LY6G6D: variants seen among roughly 807,000 people sequenced by gnomAD.
LY6G6D encodes lymphocyte antigen 6 complex locus protein G6d.
LY6G6D carries 5 observed loss-of-function variants against 8.5 expected under a neutral mutation model. The ratio of observed to expected loss-of-function variants is 0.59; its 90% CI spans 0.31 to 1.24. LY6G6D has a LOEUF of 1.24. LY6G6D is among the 50% of genes most tolerant of loss of function. The pLI is 0.07. For synonymous variants in LY6G6D, 65 were observed against 69.6 expected, an observed-to-expected ratio of 0.93 and a Z score of 0.33; for missense variants, 154 against 170.4, an observed-to-expected ratio of 0.90 and a Z score of 0.53.
chr6:31,717,529 G>A lies in LY6G6D; in HGVS notation c.179-52G>A. On this transcript the variant is annotated intron_variant, in intron 2 of 2. Transcript: ENST00000375825. This position sits in a 1 kb window ranked among gnomAD's most constrained non-coding sequence, Gnocchi z 5.0. ...AAATCACATCTGCTCTGCCCCAGAA[G>A]GCAAGTCCTGAAGCCAGGAGTCCAA... 6.2e-7 allele frequency: 1 copy of A among 1,614,104 alleles called. No individual in the cohort carries two copies. The highest frequency in any genetic ancestry group is 8.5e-7 in the Non-Finnish European group (1 of 1,179,988).
chr6:31,715,510 A>T lies in LY6G6D; in HGVS notation c.64A>T (p.Met22Leu), dbSNP rs759293818. Residue 22 changes from methionine (M) to leucine (L), a missense_variant, in exon 2 of 3, where the codon ATG (methionine) becomes TTG (leucine). Met to Leu is a conservative substitution (Grantham distance 15). Transcript: ENST00000375825. ...SLLGAALGNRMRCYNCGGSPS... is the reference protein window; with the variant it reads ...SLLGAALGNRLRCYNCGGSPS... ...CTCTTTTCTCCTGCCAGGAAACCGA[A>T]TGCGGTGCTACAACTGTGGTGGAAG... The T allele has an allele frequency of 5.6e-6, 9 of 1,612,568 alleles. No individual in the cohort carries two copies. In the African/African-American group the frequency reaches 1.1e-4, roughly 19 times the overall value.
Position 31,716,524 on chromosome 6 carries a change from G to A in LY6G6D, c.178+900G>A, listed in dbSNP as rs1806445239. ...GCTACTCAGGGGGCTGAAGAGGGAGGATCGCTTGAGCCTGGGAGATTGAAG... is the reference window on the plus strand; with the variant it reads ...GCTACTCAGGGGGCTGAAGAGGGAGAATCGCTTGAGCCTGGGAGATTGAAG... On this transcript the variant is annotated intron_variant, in intron 2 of 2. Transcript: ENST00000375825. This position sits in a 1 kb window ranked among gnomAD's most constrained non-coding sequence, Gnocchi z 5.1. 6.6e-6 allele frequency among the ~76,000 whole-genome samples: 1 copy of A among 152,092 alleles called. No individual in the cohort carries two copies.
At chr6:31,715,667 C>T in intron 2 of LY6G6D, 43 bp downstream of exon 2, 2 of 1,603,044 alleles carry the variant, frequency 1.2e-6, no homozygotes, top group Non-Finnish European at 1.7e-6. Flanking sequence ...CTTTCCCTGC[C>T]TCCAGCCCCA....
At position 31,716,570 on chromosome 6, in the gene LY6G6D, G is replaced by T. The variant is rs1378001545; in HGVS notation, c.178+946G>T. 1.3e-5 allele frequency among the ~76,000 whole-genome samples: 2 copies of T among 152,002 alleles called. No individual in the cohort carries two copies. The highest frequency in any genetic ancestry group is 6.6e-5 in the Admixed American group (1 of 15,256). On this transcript the variant is annotated intron_variant, in intron 2 of 2. Transcript: ENST00000375825. The surrounding 1 kb of genome is among the most constrained non-coding windows in gnomAD (Gnocchi z 5.1). ...TGAAGCTACAATGAGCCATGATCAC[G>T]CCACTACACTCCAGCCTGGGGAACA...
chr6:31,715,950 G>GGTGTGT lies in LY6G6D; in HGVS notation c.178+361_178+366dup, dbSNP rs3138769. Among the ~76,000 whole-genome samples the GGTGTGT allele has an allele frequency of 1.9e-3, 273 of 147,034 alleles. 1 individual carries two copies. Among genetic ancestry groups the GGTGTGT allele is most frequent in the Non-Finnish European group, 2.9e-3 (194 of 66,484 alleles). On this transcript the variant is annotated intron_variant, in intron 2 of 2. Transcript: ENST00000375825. Reference sequence around the variant, plus strand: ...CGGCATTAGTTAAGGACCAGGGAGGGGTGTGTGTGTGTGTGTGTGTGTGTG... The same window carrying GGTGTGT: ...CGGCATTAGTTAAGGACCAGGGAGGGGTGTGTGTGTGTGTGTGTGTGTGTGTGTGTG...
In LY6G6D at chr6:31,717,314, T is replaced by C; in HGVS notation, c.179-267T>C. On this transcript the variant is annotated intron_variant, in intron 2 of 2. Coordinates refer to ENST00000375825, the MANE Select transcript of LY6G6D (RefSeq NM_021246.4). The surrounding 1 kb of genome is among the most constrained non-coding windows in gnomAD (Gnocchi z 5.0). ...AATTATTTTATAGAATGTCCCTCGA[T>C]ATTTATTTATCTGATATTTGCCATG... 2 of 650,776 alleles carry C rather than the reference T, an allele frequency of 3.1e-6. No homozygotes were observed. Among genetic ancestry groups the C allele is most frequent in the Non-Finnish European group, 5.1e-6 (2 of 392,712 alleles). The allele number at this position is 650,776 out of a possible 1,614,324, so 40.3% of individuals were successfully genotyped here.
At position 31,717,576 on chromosome 6, in the gene LY6G6D, C is replaced by G. The variant is rs972369566; in HGVS notation, c.179-5C>G. 3 of 1,614,252 alleles carry G rather than the reference C, an allele frequency of 1.9e-6. No individual in the cohort carries two copies. Among genetic ancestry groups the G allele is most frequent in the South Asian group, 2.2e-5 (2 of 91,082 alleles). On this transcript the variant is annotated splice_region_variant and splice_polypyrimidine_tract_variant and intron_variant, in intron 2 of 2. Transcript: ENST00000375825. This position sits in a 1 kb window ranked among gnomAD's most constrained non-coding sequence, Gnocchi z 5.0. ...CCAACACCCCAGTTTCATTCTCTCT[C>G]TCAGCCCCAGTGACCTTGATTCACC...
chr6:31,717,022 G>A lies in LY6G6D; in HGVS notation c.179-559G>A, dbSNP rs1036937781. On this transcript the variant is annotated intron_variant, in intron 2 of 2. Transcript: ENST00000375825. The surrounding 1 kb of genome is among the most constrained non-coding windows in gnomAD (Gnocchi z 5.0). ...TCCCAGCACTTTGGGAGGCCAAGGC[G>A]GGTGGATAACCTGAGGTCGGGAGTT... Among the ~76,000 whole-genome samples, 4 of 152,160 alleles carry A rather than the reference G, an allele frequency of 2.6e-5. No individual in the cohort carries two copies. The highest frequency in any genetic ancestry group is 4.4e-5 in the Non-Finnish European group (3 of 68,040).
chr6:31,715,395 C>T lies in LY6G6D; in HGVS notation c.40C>T (p.Leu14=). 1 of 1,605,944 alleles carries T rather than the reference C, an allele frequency of 6.2e-7. No individual in the cohort carries two copies. Among genetic ancestry groups the T allele is most frequent in the Non-Finnish European group, 8.5e-7 (1 of 1,175,218 alleles). Residue 14 remains leucine (L), a synonymous_variant, in exon 1 of 3, where the codon CTA becomes TTA. Transcript: ENST00000375825. ...TGTTGGGATCTTGCTCAGCTCCCTGCTAGGGGCTGCCTTGGGTAAGGAGGC... is the reference window on the plus strand; with the variant it reads ...TGTTGGGATCTTGCTCAGCTCCCTGTTAGGGGCTGCCTTGGGTAAGGAGGC... The part of the protein sequence containing the change: ...QFVGILLSSL[L]GAALGNRMRC...
At position 31,716,591 on chromosome 6, in the gene LY6G6D, G is replaced by A. The variant is rs935803189; in HGVS notation, c.178+967G>A. ...TCACGCCACTACACTCCAGCCTGGG[G>A]AACAAAATGAGACCCTGTCTCAAAA... On this transcript the variant is annotated intron_variant, in intron 2 of 2. Transcript: ENST00000375825. This position sits in a 1 kb window ranked among gnomAD's most constrained non-coding sequence, Gnocchi z 5.1. Among the ~76,000 whole-genome samples the A allele has an allele frequency of 1.3e-5, 2 of 150,668 alleles. No individual in the cohort carries two copies. The highest frequency in any genetic ancestry group is 3.0e-5 in the Non-Finnish European group (2 of 67,650).
Position 31,717,797 on chromosome 6 carries a change from G to T in LY6G6D, c.395G>T (p.Ser132Ile), listed in dbSNP as rs534213435. The change falls in exon 3 of 3, where the codon AGC (serine) becomes ATC (isoleucine). Residue 132 changes from serine to isoleucine, a missense_variant. Coordinates refer to ENST00000375825, the MANE Select transcript of LY6G6D (RefSeq NM_021246.4). The surrounding 1 kb of genome is among the most constrained non-coding windows in gnomAD (Gnocchi z 5.0). ...ACCTGTCTCTTGCCAGGACTGTGGA[G>T]CGGATAGGGGGAGTAGGAGTAGAGA... The part of the protein sequence containing the change: ...ALTCLLPGLW[S>I]G 6.2e-7 allele frequency: 1 copy of T among 1,611,172 alleles called. No homozygotes were observed. The highest frequency in any genetic ancestry group is 8.5e-7 in the Non-Finnish European group (1 of 1,179,338).
Position 31,716,913 on chromosome 6 carries a change from C to T in LY6G6D, c.179-668C>T, listed in dbSNP as rs974908201. 1.3e-5 allele frequency among the ~76,000 whole-genome samples: 2 copies of T among 151,894 alleles called. No individual in the cohort carries two copies. The highest frequency in any genetic ancestry group is 2.9e-5 in the Non-Finnish European group (2 of 67,966). On this transcript the variant is annotated intron_variant, in intron 2 of 2. Transcript: ENST00000375825. This position sits in a 1 kb window ranked among gnomAD's most constrained non-coding sequence, Gnocchi z 5.1. ...CCACACTCCAGCCTGAGTGAGAGAG[C>T]AAGATCTTTTCTCTAAAATTAAATA...
chr6:31,715,729 A>C, intron 2 of LY6G6D, 105 bp downstream of exon 2: 1 of 1,501,874 alleles, frequency 6.7e-7, no homozygotes, highest in Non-Finnish European at 8.9e-7. Context: ...GGCTCTGGGC[A>C]GATGGTGCAG....
rs534213435 is a variant in LY6G6D, at chr6:31,717,797, G to A, written c.395G>A (p.Ser132Asn). ...ALTCLLPGLW[S>N]G ...ACCTGTCTCTTGCCAGGACTGTGGA[G>A]CGGATAGGGGGAGTAGGAGTAGAGA... Residue 132 changes from serine (S) to asparagine (N), a missense_variant, in exon 3 of 3, where the codon AGC (serine) becomes AAC (asparagine). Physicochemically the swap from Ser to Asn is conservative, Grantham distance 46. Coordinates refer to ENST00000375825, the MANE Select transcript of LY6G6D (RefSeq NM_021246.4). This position sits in a 1 kb window ranked among gnomAD's most constrained non-coding sequence, Gnocchi z 5.0. 4.3e-6 allele frequency: 7 copies of A among 1,611,172 alleles called. No homozygotes were observed. The highest frequency in any genetic ancestry group is 5.9e-6 in the Non-Finnish European group (7 of 1,179,338).
Position 31,717,474 on chromosome 6 carries a change from A to AG in LY6G6D, c.179-102dup. 6.2e-7 allele frequency: 1 copy of AG among 1,609,876 alleles called. No homozygotes were observed. The highest frequency in any genetic ancestry group is 8.5e-7 in the Non-Finnish European group (1 of 1,178,080). ...CTTGGTTTCAGGGAGGTGTTTTTTGAGGGGGCTGAAAATCCCTTTGGGCTC... is the reference window on the plus strand; with the variant it reads ...CTTGGTTTCAGGGAGGTGTTTTTTGAGGGGGGCTGAAAATCCCTTTGGGCTC... On this transcript the variant is annotated intron_variant, in intron 2 of 2. Transcript: ENST00000375825. The surrounding 1 kb of genome is among the most constrained non-coding windows in gnomAD (Gnocchi z 5.0).
Position 31,717,615 on chromosome 6 carries a change from C to T in LY6G6D, c.213C>T (p.Cys71=), listed in dbSNP as rs118062293. ...PVTLIHQHPA[C]VAAHHCNQVE... is the part of the protein sequence containing the mutation. The stretch of plus-strand genomic sequence containing the variant: ...CCTTGATTCACCAACATCCAGCCTG[C>T]GTCGCAGCCCATCATTGCAATCAAG... The change falls in exon 3 of 3, where the codon TGC becomes TGT. Residue 71 remains cysteine (C), a synonymous_variant. Coordinates refer to ENST00000375825, the MANE Select transcript of LY6G6D (RefSeq NM_021246.4). This position sits in a 1 kb window ranked among gnomAD's most constrained non-coding sequence, Gnocchi z 5.0. 4,237 of 1,614,210 alleles carry T rather than the reference C, an allele frequency of 2.6e-3. 215 individuals carry two copies. In the East Asian group the frequency reaches 0.088, roughly 34 times the overall value.
Position 31,717,807 on chromosome 6 carries a change from G to T in LY6G6D, c.*3G>T. 6.2e-7 allele frequency: 1 copy of T among 1,606,882 alleles called. No individual in the cohort carries two copies. ...TGCCAGGACTGTGGAGCGGATAGGGGGAGTAGGAGTAGAGAAGGGAACAAG... is the reference window on the plus strand; with the variant it reads ...TGCCAGGACTGTGGAGCGGATAGGGTGAGTAGGAGTAGAGAAGGGAACAAG... On this transcript the variant is annotated 3_prime_UTR_variant, in exon 3 of 3. Transcript: ENST00000375825. This position sits in a 1 kb window ranked among gnomAD's most constrained non-coding sequence, Gnocchi z 5.0.
rs1806458429 is a variant in LY6G6D, at chr6:31,716,722, A to T, written c.179-859A>T. 6.6e-6 allele frequency among the ~76,000 whole-genome samples: 1 copy of T among 151,956 alleles called. No homozygotes were observed. The highest frequency in any genetic ancestry group is 2.1e-4 in the South Asian group (1 of 4,810). On this transcript the variant is annotated intron_variant, in intron 2 of 2. Transcript: ENST00000375825. The surrounding 1 kb of genome is among the most constrained non-coding windows in gnomAD (Gnocchi z 5.1). ...AGTCACCTGAGGTCAGGAGTTTGAC[A>T]CCAGCCTGGGCAGCAAAGTGAGACC...
chr6:31,715,746 G>C (rs955170967), intron 2 of LY6G6D, 122 bp downstream of exon 2: 1 of 1,435,442 alleles, frequency 7.0e-7, no homozygotes, highest in African/African-American at 1.4e-5. Flanking sequence ...GCAGCTGTTA[G>C]AGGAGAGCAG....
Sources: allele counts gnomAD v4.1 joint callset (sites outside exome capture counted in the v4.1 genomes callset), GRCh38; gene constraint gnomAD v4.1.1; non-coding constraint Gnocchi (gnomAD v3.1); transcripts MANE v1.5; gene names NCBI Gene and HGNC (gene_info 2026-07-23, HGNC 2026-07-21).